Variants in NAT10 observed in about 807,000 individuals in gnomAD.
NAT10 encodes the protein N-acetyltransferase 10, also known as RNA cytidine acetyltransferase.
Under a neutral mutation model 132.2 loss-of-function variants are expected in NAT10, and 109 were observed. That is an observed-to-expected ratio of 0.82 (90% CI 0.71 to 0.97). The LOEUF is 0.97. Among genes scored for constraint, NAT10 ranks in the 50% least tolerant of loss-of-function variants. NAT10 has a pLI of 0.00. For missense variants in NAT10, 1,184 were observed against 1,263.4 expected, an observed-to-expected ratio of 0.94 and a Z score of 0.95; for synonymous variants, 479 against 478.0, an observed-to-expected ratio of 1.00 and a Z score of -0.03.
At chr11:34,131,043 C>T (rs1232350858) in intron 13 of NAT10, 106 bp downstream of exon 13, 2 of 1,501,160 alleles carry the variant, frequency 1.3e-6, no homozygotes, top group African/African-American at 1.4e-5. Context: ...ACCTTCCCAC[C>T]ATCAGGCTGA....
Position 34,146,071 on chromosome 11 carries a change from G to T in NAT10, c.2970-13G>T, listed in dbSNP as rs773423111. On this transcript the variant is annotated splice_polypyrimidine_tract_variant and intron_variant, in intron 28 of 28. Transcript: ENST00000257829. ...TACATATTTCATTCTTTCTATTTTT[G>T]ATTTTTCTCTAGTGACAAGAAAAGG... 5.8e-6 allele frequency: 9 copies of T among 1,554,834 alleles called. No homozygotes were observed. The South Asian group carries it at 5.9e-5, about 10-fold the overall frequency.
chr11:34,114,885 G>C (rs1219765349), intron 5 of NAT10, among the ~76,000 whole-genome samples: 2 of 152,304 alleles, frequency 1.3e-5, no homozygotes, highest in East Asian at 1.9e-4. Context: ...GATCACAGTG[G>C]CTCACGCCTG....
intron 3 of NAT10, among the ~76,000 whole-genome samples, chr11:34,110,120 G>T (rs1851667003): frequency 6.6e-6 from 1 of 152,100 alleles, no homozygotes; most frequent in Non-Finnish European, 1.5e-5. Context: ...TTTGGCTTCA[G>T]TGTCTTTACT....
chr11:34,130,169 AC>A (rs1158270846), intron 12 of NAT10, among the ~76,000 whole-genome samples: 1 of 152,218 alleles, frequency 6.6e-6, no homozygotes, highest in Non-Finnish European at 1.5e-5. Flanking sequence ...TATGCCTGTG[AC>A]TAAAGACAAG....
At chr11:34,118,573 A>C in intron 8 of NAT10, 70 bp downstream of exon 8, 1 of 1,309,016 alleles carries the variant, frequency 7.6e-7, no homozygotes, top group Non-Finnish European at 1.1e-6. Flanking sequence ...AACAGAAGCC[A>C]AGGTACGTTG....
At chr11:34,129,341 C>T (rs996764192) in intron 12 of NAT10, among the ~76,000 whole-genome samples, 1 of 152,128 alleles carries the variant, frequency 6.6e-6, no homozygotes, top group Admixed American at 6.5e-5. Flanking sequence ...TGTGAAGTGA[C>T]CTCTCGTTAT....
intron 28 of NAT10, 36 bp downstream of exon 28, chr11:34,143,564 G>A (rs1419253414): frequency 6.3e-7 from 1 of 1,583,212 alleles, no homozygotes; most frequent in Non-Finnish European, 8.6e-7. Context: ...TCTGGCGGAA[G>A]AGGCATTCTG....
chr11:34,130,756 C>G, intron 12 of NAT10, 57 bp from the exon 13 acceptor site: 1 of 1,593,410 alleles, frequency 6.3e-7, no homozygotes, highest in Non-Finnish European at 8.6e-7. Flanking sequence ...CTCTCTGTCC[C>G]CTCCTAGACA....
rs1447915602 is a variant in NAT10, at chr11:34,134,360, C to T, written c.1776C>T (p.Asn592=). 1.2e-6 allele frequency: 2 copies of T among 1,614,120 alleles called. No individual in the cohort carries two copies. Among genetic ancestry groups the T allele is most frequent in the Non-Finnish European group, 8.5e-7 (1 of 1,180,044 alleles). Residue 592 remains asparagine (N), a synonymous_variant, in exon 17 of 29, where the codon AAC becomes AAT. Coordinates refer to ENST00000257829, the MANE Select transcript of NAT10 (RefSeq NM_024662.3). ...EGEISRQSIL[N]SLSRGKKASG... ...AGATTTCTCGCCAGTCCATCTTGAA[C>T]AGTCTGTCTCGAGGCAAGAAGGCTT...
At chr11:34,129,745 A>G (rs961003166) in intron 12 of NAT10, among the ~76,000 whole-genome samples, 2 of 150,784 alleles carry the variant, frequency 1.3e-5, no homozygotes, top group Non-Finnish European at 2.9e-5. Flanking sequence ...AGTAGCTGGG[A>G]TTACAGGTGT....
intron 6 of NAT10, among the ~76,000 whole-genome samples, chr11:34,117,680 C>T (rs1851805823): frequency 6.6e-6 from 1 of 152,086 alleles, no homozygotes; most frequent in Non-Finnish European, 1.5e-5. Flanking sequence ...GCATTTTTTT[C>T]CCTGCTTGCA....
chr11:34,110,673 A>G (rs1049253550), intron 3 of NAT10, among the ~76,000 whole-genome samples: 1 of 144,562 alleles, frequency 6.9e-6, no homozygotes, highest in Non-Finnish European at 1.5e-5. Context: ...CATGTTTATC[A>G]TAGGTACTCA....
At chr11:34,132,031 G>T (rs1466909783) in intron 14 of NAT10, 94 bp from the exon 15 acceptor site, 3 of 925,688 alleles carry the variant, frequency 3.2e-6, no homozygotes, top group South Asian at 2.6e-5. Flanking sequence ...CTGAGCTCCT[G>T]TTCCCAGCTA....
Position 34,146,220 on chromosome 11 carries a change from G to A in NAT10, c.*28G>A. 6.7e-7 allele frequency: 1 copy of A among 1,498,716 alleles called. No homozygotes were observed. The highest frequency in any genetic ancestry group is 9.1e-7 in the Non-Finnish European group (1 of 1,094,552). 92.8% of individuals were successfully genotyped at this position (1,498,716 alleles called of 1,614,324 possible). A position where few individuals can be genotyped will look rare whatever the true frequency, so the allele number is the denominator to read the frequency against. ...AAGAGAAACTCGGGCATCTGTGTTT[G>A]ATCATGGGAAGATACTCTCACTAAC... On this transcript the variant is annotated 3_prime_UTR_variant, in exon 29 of 29. Coordinates refer to ENST00000257829, the MANE Select transcript of NAT10 (RefSeq NM_024662.3).
At chr11:34,140,283 A>G (rs1057483537) in intron 23 of NAT10, 117 bp from the exon 24 acceptor site, 73 of 990,732 alleles carry the variant, frequency 7.4e-5, no homozygotes, top group Non-Finnish European at 1.1e-4. Flanking sequence ...GCTGTGTGGT[A>G]TGGCTGCCAG....
In NAT10 at chr11:34,138,583, G is replaced by A. The variant is rs185291128; in HGVS notation, c.2212-608G>A. On this transcript the variant is annotated intron_variant, in intron 21 of 28. Transcript: ENST00000257829. ...TTTGGCTGTCAGCTGCAAGGAGAAC[G>A]CAAGCTAGTGAGCTGTGGTGTGGTC... Among the ~76,000 whole-genome samples, 4 of 152,264 alleles carry A rather than the reference G, an allele frequency of 2.6e-5. No homozygotes were observed. The East Asian group carries it at 5.8e-4, about 22-fold the overall frequency.
intron 8 of NAT10, 59 bp from the exon 9 acceptor site, chr11:34,122,400 T>A: frequency 6.2e-7 from 1 of 1,606,596 alleles, no homozygotes; most frequent in South Asian, 1.1e-5. Context: ...GTGATGGTGA[T>A]GAATGGTGGA....
chr11:34,113,949 C>A, intron 5 of NAT10, 111 bp downstream of exon 5: 2 of 1,324,662 alleles, frequency 1.5e-6, no homozygotes, highest in Non-Finnish European at 2.1e-6. Context: ...GTAGTCAGCA[C>A]AGCCTCTGGG....
At chr11:34,108,983 C>A in intron 3 of NAT10, 150 bp downstream of exon 3, 1 of 640,172 alleles carries the variant, frequency 1.6e-6, no homozygotes, top group Non-Finnish European at 2.6e-6. Context: ...TTTCTTCATT[C>A]CTGAAAATAA....
Sources: allele counts gnomAD v4.1 joint callset (sites outside exome capture counted in the v4.1 genomes callset), GRCh38; gene constraint gnomAD v4.1.1; transcripts MANE v1.5; gene names NCBI Gene and HGNC (gene_info 2026-07-23, HGNC 2026-07-21).